The following TDRKH variants were observed in gnomAD, a reference collection of about 807,000 sequenced individuals.
The protein encoded by TDRKH is tudor and KH domain-containing protein.
TDRKH carries 28 observed loss-of-function variants against 61.3 expected under a neutral mutation model. The ratio of observed to expected loss-of-function variants is 0.46; its 90% CI spans 0.34 to 0.63. TDRKH has a LOEUF of 0.63. Among genes scored for constraint, TDRKH ranks in the 20% least tolerant of loss-of-function variants. The pLI, the probability that TDRKH is intolerant of heterozygous loss-of-function variation, is 0.01. For synonymous variants in TDRKH, 219 were observed against 244.4 expected, an observed-to-expected ratio of 0.90 and a Z score of 0.97; for missense variants, 540 against 683.4, an observed-to-expected ratio of 0.79 and a Z score of 2.34.
chr1:151,781,669 TGTCA>T, intron 2 of TDRKH, 82 bp from the exon 3 acceptor site: 1 of 1,234,230 alleles, frequency 8.1e-7, no homozygotes, highest in Non-Finnish European at 1.2e-6. Flanking sequence ...AGAATCTGGC[TGTCA>T]AAGAGACACT....
rs550601463 is a variant in TDRKH at position 151,788,842 on chromosome 1, C to T, written c.-28+1538G>A. Reference sequence around the variant, plus strand: ...CAGCCAAGGCCCCTCAATCTCGACCCCCTACACTGGGTTGAATTACATTGC... The same window carrying T: ...CAGCCAAGGCCCCTCAATCTCGACCTCCTACACTGGGTTGAATTACATTGC... On this transcript the variant is annotated intron_variant, in intron 1 of 12. Coordinates refer to ENST00000368824, the MANE Select transcript of TDRKH (RefSeq NM_001083965.2). Among the ~76,000 whole-genome samples the T allele has an allele frequency of 3.9e-5, 6 of 152,308 alleles. No homozygotes were observed. The East Asian group carries it at 1.2e-3, about 29-fold the overall frequency.
At chr1:151,766,935 G>A, downstream of TDRKH, 1 of 1,509,736 alleles carries the variant, frequency 6.6e-7, no homozygotes, top group Non-Finnish European at 9.1e-7. Context: ...AAAATGTAAG[G>A]AAAAAGTAAA....
Position 151,775,384 on chromosome 1 carries a change from A to G in TDRKH, c.1434+8T>C, listed in dbSNP as rs202091105. On this transcript the variant is annotated splice_region_variant and intron_variant, in intron 10 of 12. Coordinates refer to ENST00000368824, the MANE Select transcript of TDRKH (RefSeq NM_001083965.2). The stretch of plus-strand genomic sequence containing the variant: ...ATATGGCAAGCAGTGAGTGAATGCC[A>G]GTCTTACCTTCCCATTGCTAGTATC... 11 of 1,607,860 alleles carry G rather than the reference A, an allele frequency of 6.8e-6. No individual in the cohort carries two copies. Among genetic ancestry groups the G allele is most frequent in the Non-Finnish European group, 9.3e-6 (11 of 1,177,746 alleles).
At chr1:151,779,444 A>G (rs1553281945) in intron 4 of TDRKH, among the ~76,000 whole-genome samples, 1 of 152,154 alleles carries the variant, frequency 6.6e-6, no homozygotes, top group South Asian at 2.1e-4. Flanking sequence ...TCCTTTTTCC[A>G]TTTTATTTAA....
At chr1:151,786,725 C>T (rs981677869) in intron 1 of TDRKH, among the ~76,000 whole-genome samples, 2 of 152,138 alleles carry the variant, frequency 1.3e-5, no homozygotes, top group Non-Finnish European at 2.9e-5. Flanking sequence ...CCTTCTTGCC[C>T]GGACTCAAAA....
At chr1:151,786,776 G>C (rs957455570) in intron 1 of TDRKH, among the ~76,000 whole-genome samples, 1 of 152,148 alleles carries the variant, frequency 6.6e-6, no homozygotes, top group Non-Finnish European at 1.5e-5. Flanking sequence ...TACCCGAGGT[G>C]GGGGATGGGT....
At position 151,774,503 on chromosome 1, in the gene TDRKH, T is replaced by C; in HGVS notation, c.1635A>G (p.Glu545=). Residue 545 remains glutamate, a splice_region_variant and synonymous_variant, in exon 13 of 13, where the codon GAA becomes GAG. Transcript: ENST00000368824. ...TATCATCACCAGACATGGAAGCAGCTTCTATTGAAGATAAATAAGAAGGAG... is the reference window on the plus strand; with the variant it reads ...TATCATCACCAGACATGGAAGCAGCCTCTATTGAAGATAAATAAGAAGGAG... ...THTLSCLSLS[E]AASMSGDDNL... is the part of the protein sequence containing the mutation. 6.2e-7 allele frequency: 1 copy of C among 1,614,130 alleles called. No homozygotes were observed. Among genetic ancestry groups the C allele is most frequent in the South Asian group, 1.1e-5 (1 of 91,074 alleles).
rs1558147699 is a variant in TDRKH at position 151,782,901 on chromosome 1, C to G, written c.122G>C (p.Arg41Thr). The G allele has an allele frequency of 6.2e-7, 1 of 1,605,740 alleles. No homozygotes were observed. The highest frequency in any genetic ancestry group is 2.3e-5 in the East Asian group (1 of 44,428). The change falls in exon 2 of 13, where the codon AGA becomes ACA. Residue 41 changes from arginine to threonine, a missense_variant and splice_region_variant. Arg to Thr is a moderately conservative substitution (Grantham distance 71). Coordinates refer to ENST00000368824, the MANE Select transcript of TDRKH (RefSeq NM_001083965.2). ...YILYRRYRES[R>T]EERLTFVGED... ...ACACAGTCATAGGGTTCACGTACCTCTGCTTTCCCTATACCTGCGGTATAG... is the reference window on the plus strand; with the variant it reads ...ACACAGTCATAGGGTTCACGTACCTGTGCTTTCCCTATACCTGCGGTATAG...
Position 151,774,595 on chromosome 1 carries a change from G to A in TDRKH, c.1634-91C>T, listed in dbSNP as rs966529564. The A allele has an allele frequency of 3.0e-5, 47 of 1,574,914 alleles. No individual in the cohort carries two copies. In the African/African-American group the frequency reaches 5.8e-4, roughly 20 times the overall value. ...GGCTCAAAAGAAAAATGGACCTCTT[G>A]GTACTCAATGACCTGACTAGGAACC... is the stretch of plus-strand genomic sequence containing the variant. On this transcript the variant is annotated intron_variant, in intron 12 of 12. Transcript: ENST00000368824.
chr1:151,776,457 C>T lies in TDRKH; in HGVS notation c.1026G>A (p.Gln342=), dbSNP rs1336898079. 1 of 1,614,222 alleles carries T rather than the reference C, an allele frequency of 6.2e-7. No homozygotes were observed. Among genetic ancestry groups the T allele is most frequent in the East Asian group, 2.2e-5 (1 of 44,890 alleles). ...QLDKLVNEMT[Q]HYENSVPEDL... ...AACTCACCACACTATTCTCATAGTG[C>T]TGGGTCATCTCATTGACAAGCTTAT... is the stretch of plus-strand genomic sequence containing the variant. Residue 342 remains glutamine (Q), a synonymous_variant, in exon 7 of 13, where the codon CAG becomes CAA. Coordinates refer to ENST00000368824, the MANE Select transcript of TDRKH (RefSeq NM_001083965.2).
chr1:151,769,910 C>A (rs1345872990), downstream of TDRKH, among the ~76,000 whole-genome samples: 1 of 151,104 alleles, frequency 6.6e-6, no homozygotes, highest in African/African-American at 2.4e-5. Flanking sequence ...CCGTCTCCAC[C>A]AAAATACGAA....
At chr1:151,769,680 G>A (rs554058025), downstream of TDRKH, among the ~76,000 whole-genome samples, 11 of 152,188 alleles carry the variant, frequency 7.2e-5, no homozygotes, top group African/African-American at 2.6e-4. Flanking sequence ...GGTGGTGGCC[G>A]GGCAGAGGCT....
At chr1:151,789,012 T>C (rs1572019055) in intron 1 of TDRKH, among the ~76,000 whole-genome samples, 1 of 152,138 alleles carries the variant, frequency 6.6e-6, no homozygotes, top group Non-Finnish European at 1.5e-5. Flanking sequence ...CTAGTCCAGG[T>C]GTCAATGATG....
At position 151,783,067 on chromosome 1, in the gene TDRKH, G is replaced by A. The variant is rs569160028; in HGVS notation, c.-27-18C>T. The A allele has an allele frequency of 9.0e-5, 143 of 1,594,592 alleles. 1 individual carries two copies. The South Asian group carries it at 1.6e-3, about 18-fold the overall frequency. ...CTTATATCCTGAAACAAGCAAAGCA[G>A]GGAAAAGAGGGAGGTTTCATCCAAT... On this transcript the variant is annotated intron_variant, in intron 1 of 12. Coordinates refer to ENST00000368824, the MANE Select transcript of TDRKH (RefSeq NM_001083965.2).
At chr1:151,770,219 C>A (rs753739131), downstream of TDRKH, 2 of 1,613,786 alleles carry the variant, frequency 1.2e-6, no homozygotes, top group African/African-American at 2.7e-5. Flanking sequence ...AATGTGGACT[C>A]TGTGTTTGTG....
rs1486093180 is a variant in TDRKH at position 151,778,877 on chromosome 1, C to T, written c.691G>A (p.Ala231Thr). Residue 231 changes from alanine (A) to threonine (T), a missense_variant, in exon 6 of 13, where the codon GCT becomes ACT. Transcript: ENST00000368824. ...TTTTTCCATAATGCTGGCTCTCCAG[C>T]TCCACCTGGCTCTGTCATGTCTTCT... ...RREDMTEPGG[A>T]GEPALWKNTS... 1.1e-5 allele frequency: 17 copies of T among 1,614,208 alleles called. No homozygotes were observed. The highest frequency in any genetic ancestry group is 1.4e-5 in the Non-Finnish European group (17 of 1,180,038).
chr1:151,787,857 T>C (rs1171391598), intron 1 of TDRKH, among the ~76,000 whole-genome samples: 1 of 147,258 alleles, frequency 6.8e-6, no homozygotes, highest in East Asian at 2.0e-4. Flanking sequence ...GGCGTGGTGT[T>C]GCACACCTGT....
At chr1:151,768,137 C>A, downstream of TDRKH, 1 of 1,614,040 alleles carries the variant, frequency 6.2e-7, no homozygotes, top group Non-Finnish European at 8.5e-7. Context: ...TTCCGCCTTA[C>A]CTCCCAGACC....
chr1:151,768,957 G>A (rs1361125636), downstream of TDRKH, among the ~76,000 whole-genome samples: 7 of 152,036 alleles, frequency 4.6e-5, no homozygotes, highest in East Asian at 1.9e-4. Context: ...GACACAGCAC[G>A]TTTCAGAGAG....
Sources: allele counts gnomAD v4.1 joint callset (sites outside exome capture counted in the v4.1 genomes callset), GRCh38; gene constraint gnomAD v4.1.1; transcripts MANE v1.5; gene names NCBI Gene and HGNC (gene_info 2026-07-23, HGNC 2026-07-21).